FGF14: variants seen among roughly 807,000 people sequenced by gnomAD.
FGF14 encodes the protein fibroblast growth factor homologous factor 4.
Under a neutral mutation model 25.5 loss-of-function variants are expected in FGF14, and 5 were observed. That is an observed-to-expected ratio of 0.20 (90% CI 0.10 to 0.41). FGF14 has a LOEUF of 0.41. Ranked by LOEUF, FGF14 falls within the 10% of genes least tolerant of loss-of-function variation. The pLI, the probability that FGF14 is intolerant of heterozygous loss-of-function variation, is 1.00. For missense variants in FGF14, 222 were observed against 320.1 expected, an observed-to-expected ratio of 0.69 and a Z score of 2.34; for synonymous variants, 138 against 118.3, an observed-to-expected ratio of 1.17 and a Z score of -1.08.
At chr13:102,029,733 T>C (rs538350098) in intron 1 of FGF14, among the ~76,000 whole-genome samples, 57 of 152,226 alleles carry the variant, frequency 3.7e-4, no homozygotes, top group South Asian at 8.3e-4. Context: ...TCCACTCCCA[T>C]CACTTATCTA....
At chr13:102,047,894 A>T (rs993059869) in intron 1 of FGF14, among the ~76,000 whole-genome samples, 8 of 152,148 alleles carry the variant, frequency 5.3e-5, no homozygotes, top group Non-Finnish European at 1.2e-4. Context: ...CCCACTTTTC[A>T]TGCCTTCTAT....
At chr13:101,988,870 AAT>A (rs1175679481) in intron 1 of FGF14, among the ~76,000 whole-genome samples, 1 of 152,018 alleles carries the variant, frequency 6.6e-6, no homozygotes, top group African/African-American at 2.4e-5. Context: ...AAAAAAATAA[AAT>A]ATATGTTTTG....
intron 1 of FGF14, among the ~76,000 whole-genome samples, chr13:102,200,568 G>A (rs1414072558): frequency 1.3e-5 from 2 of 151,096 alleles, no homozygotes; most frequent in African/African-American, 4.9e-5. Context: ...CAAGAAAGTG[G>A]CCAGCCAACT....
chr13:102,150,526 C>T (rs1171659459), intron 1 of FGF14, among the ~76,000 whole-genome samples: 2 of 152,080 alleles, frequency 1.3e-5, no homozygotes, highest in Admixed American at 6.6e-5. Flanking sequence ...GCTTTGTGGT[C>T]GTTATTTGTC....
rs1447874768 is a variant in FGF14 at position 101,726,827 on chromosome 13, A to G, written c.409-17T>C. ...AAAAAGTTCCTGTGGAGAGAAAATGAAACAAAAGTTAGAGGAAGGAACTTG... is the reference window on the plus strand; with the variant it reads ...AAAAAGTTCCTGTGGAGAGAAAATGGAACAAAAGTTAGAGGAAGGAACTTG... On this transcript the variant is annotated splice_polypyrimidine_tract_variant and intron_variant, in intron 3 of 4. Coordinates refer to ENST00000376143, the MANE Select transcript of FGF14 (RefSeq NM_004115.4). 1 of 1,578,774 alleles carries G rather than the reference A, an allele frequency of 6.3e-7. No homozygotes were observed. Among genetic ancestry groups the G allele is most frequent in the Middle Eastern group, 1.7e-4 (1 of 5,870 alleles).
chr13:102,086,306 G>A (rs1160907754), intron 1 of FGF14, among the ~76,000 whole-genome samples: 1 of 152,094 alleles, frequency 6.6e-6, no homozygotes, highest in Non-Finnish European at 1.5e-5. Flanking sequence ...GGATCACAAG[G>A]TCAGGAGATA....
chr13:101,820,798 AC>A (rs2042094375), intron 3 of FGF14, among the ~76,000 whole-genome samples: 1 of 69,614 alleles, frequency 1.4e-5, no homozygotes, highest in African/African-American at 4.0e-5. Context: ...ACACACACAC[AC>A]ACACACAACA....
chr13:102,357,702 C>T (rs2057457962), intron 1 of FGF14, among the ~76,000 whole-genome samples: 1 of 152,096 alleles, frequency 6.6e-6, no homozygotes, highest in African/African-American at 2.4e-5. Flanking sequence ...GTGTTTAGAA[C>T]GGTGCCTGGA....
chr13:101,799,053 C>G (rs974808793), intron 3 of FGF14, among the ~76,000 whole-genome samples: 1 of 152,078 alleles, frequency 6.6e-6, no homozygotes, highest in Non-Finnish European at 1.5e-5. Context: ...ACGGTAAACA[C>G]AAAATAACTA....
At chr13:102,330,270 A>T (rs1207561793) in intron 1 of FGF14, among the ~76,000 whole-genome samples, 1 of 152,158 alleles carries the variant, frequency 6.6e-6, no homozygotes, top group East Asian at 1.9e-4. Flanking sequence ...TCATCTCTTC[A>T]CCTACCAGCA....
chr13:102,118,370 A>C (rs1474556504), intron 1 of FGF14, among the ~76,000 whole-genome samples: 1 of 141,594 alleles, frequency 7.1e-6, no homozygotes, highest in Non-Finnish European at 1.5e-5. Flanking sequence ...TTGATTTAAA[A>C]ATAATTTTTT....
At chr13:101,810,325 T>C (rs1196220220) in intron 3 of FGF14, among the ~76,000 whole-genome samples, 1 of 152,228 alleles carries the variant, frequency 6.6e-6, no homozygotes, top group African/African-American at 2.4e-5. Flanking sequence ...AGTATTGTGT[T>C]TTATAACGGT....
At chr13:102,121,540 TATTTA>T (rs1350506166) in intron 1 of FGF14, among the ~76,000 whole-genome samples, 1 of 152,150 alleles carries the variant, frequency 6.6e-6, no homozygotes, top group Non-Finnish European at 1.5e-5. Context: ...CCATGAAAAT[TATTTA>T]ATTAAGTTTT....
At chr13:102,202,277 C>T (rs986715309) in intron 1 of FGF14, among the ~76,000 whole-genome samples, 3 of 152,080 alleles carry the variant, frequency 2.0e-5, no homozygotes, top group African/African-American at 7.2e-5. Context: ...AGCCAGGGCC[C>T]CAAGAAAGAT....
At chr13:102,019,368 C>A (rs1485565667) in intron 1 of FGF14, among the ~76,000 whole-genome samples, 1 of 152,086 alleles carries the variant, frequency 6.6e-6, no homozygotes, top group Non-Finnish European at 1.5e-5. Context: ...CTGTGTCTAC[C>A]CACCTGCCTC....
chr13:102,389,857 T>G (rs144082799), intron 1 of FGF14, among the ~76,000 whole-genome samples: 2 of 152,110 alleles, frequency 1.3e-5, no homozygotes, highest in African/African-American at 2.4e-5. Context: ...ATGCTCTGAG[T>G]GATAAAATCC....
intron 1 of FGF14, among the ~76,000 whole-genome samples, chr13:102,115,270 C>T (rs1226217763): frequency 1.3e-5 from 2 of 152,150 alleles, no homozygotes; most frequent in Admixed American, 1.3e-4. Flanking sequence ...CCTTCCCTTC[C>T]CCGCTTGTCC....
intron 1 of FGF14, among the ~76,000 whole-genome samples, chr13:101,903,194 C>A (rs1414403760): frequency 6.6e-6 from 1 of 151,908 alleles, no homozygotes; most frequent in Non-Finnish European, 1.5e-5. Context: ...GGCAATTTGA[C>A]ATTCATTTAA....
intron 1 of FGF14, among the ~76,000 whole-genome samples, chr13:101,947,426 T>A (rs1376644606): frequency 6.7e-6 from 1 of 148,408 alleles, no homozygotes; most frequent in African/African-American, 2.6e-5. Flanking sequence ...AGACATGGAA[T>A]AAAATGTAGG....
Sources: gnomAD v4.1 joint callset for allele counts (sites outside exome capture counted in the v4.1 genomes callset) on GRCh38, gnomAD v4.1.1 for gene constraint, MANE v1.5 for transcripts, NCBI Gene and HGNC (gene_info 2026-07-23, HGNC 2026-07-21) for gene names.